Variants in DCT observed in about 807,000 individuals in gnomAD.
The protein encoded by DCT is L-dopachrome tautomerase.
Under a neutral mutation model 53.0 loss-of-function variants are expected in DCT, and 47 were observed. The ratio of observed to expected loss-of-function variants is 0.89; its 90% CI spans 0.70 to 1.13. The LOEUF is 1.13. Among genes scored for constraint, DCT ranks in the 50% most tolerant of loss-of-function variants. The pLI is 0.00. For missense variants in DCT, 669 were observed against 637.4 expected, an observed-to-expected ratio of 1.05 and a Z score of -0.53; for synonymous variants, 244 against 237.0, an observed-to-expected ratio of 1.03 and a Z score of -0.27.
the DCT span, among the ~76,000 whole-genome samples, chr13:94,533,937 C>G: frequency 6.6e-6 from 1 of 152,142 alleles, no homozygotes; most frequent in Non-Finnish European, 1.5e-5. Flanking sequence ...AAACATGTAA[C>G]TGTTCATTCC....
rs1882519241 is a variant in DCT at position 94,443,705 on chromosome 13, G to GGT, written c.1180-69_1180-68insAC. 3 of 1,274,000 alleles carry GGT rather than the reference G, an allele frequency of 2.4e-6. No individual in the cohort carries two copies. In the East Asian group the frequency reaches 7.1e-5, roughly 30 times the overall value. The allele number at this position is 1,274,000 out of a possible 1,614,324, so 78.9% of individuals were successfully genotyped here. ...TTCCGATCACACCAACCTGACTGTTGCTTTCTCTAAAGTGGAATAACTTCT... is the reference window on the plus strand; with the variant it reads ...TTCCGATCACACCAACCTGACTGTTGGTCTTTCTCTAAAGTGGAATAACTTCT... On this transcript the variant is annotated intron_variant, in intron 6 of 7. Coordinates refer to ENST00000377028, the MANE Select transcript of DCT (RefSeq NM_001922.5).
At chr13:94,450,815 C>T (rs1476028369) in intron 6 of DCT, among the ~76,000 whole-genome samples, 3 of 152,162 alleles carry the variant, frequency 2.0e-5, no homozygotes, top group Admixed American at 2.0e-4. Flanking sequence ...ACCTCTCAGG[C>T]CATTCTTGAC....
intron 6 of DCT, among the ~76,000 whole-genome samples, chr13:94,445,336 T>G (rs139042545): frequency 6.6e-6 from 1 of 152,314 alleles, no homozygotes; most frequent in East Asian, 1.9e-4. Flanking sequence ...TGTATTGCAG[T>G]TCCTATCTTG....
At chr13:94,485,210 T>C in the DCT span, among the ~76,000 whole-genome samples, 7 of 152,110 alleles carry the variant, frequency 4.6e-5, no homozygotes, top group Non-Finnish European at 1.0e-4. Flanking sequence ...GTAGCATGGG[T>C]CTTTTTCTGT....
chr13:94,534,853 G>A, the DCT span, among the ~76,000 whole-genome samples: 3 of 152,238 alleles, frequency 2.0e-5, no homozygotes, highest in African/African-American at 7.2e-5. Context: ...CAACATCACA[G>A]CTGAGAGTTG....
the DCT span, among the ~76,000 whole-genome samples, chr13:94,514,254 G>A: frequency 6.6e-6 from 1 of 152,132 alleles, no homozygotes. Context: ...GTCCAAGGAA[G>A]GGGAGGTGGC....
the DCT span, among the ~76,000 whole-genome samples, chr13:94,513,647 C>T: frequency 6.6e-6 from 1 of 152,014 alleles, no homozygotes; most frequent in Non-Finnish European, 1.5e-5. Context: ...GCTGTAAAGA[C>T]TCTACTCAGT....
the DCT span, among the ~76,000 whole-genome samples, chr13:94,500,774 C>T: frequency 6.6e-6 from 1 of 152,132 alleles, no homozygotes; most frequent in Non-Finnish European, 1.5e-5. Flanking sequence ...CTTTTCTTGG[C>T]TATTAGAATA....
At chr13:94,535,881 G>A in the DCT span, among the ~76,000 whole-genome samples, 1 of 152,158 alleles carries the variant, frequency 6.6e-6, no homozygotes. Context: ...TGTAAATGGC[G>A]TAGCCCCTCC....
At chr13:94,549,406 T>C in the DCT span, among the ~76,000 whole-genome samples, 3 of 152,310 alleles carry the variant, frequency 2.0e-5, no homozygotes. Context: ...AGGGTGCCTC[T>C]GGGTCCCAGC....
At chr13:94,446,060 C>A (rs1459271520) in intron 6 of DCT, among the ~76,000 whole-genome samples, 2 of 152,084 alleles carry the variant, frequency 1.3e-5, no homozygotes, top group African/African-American at 4.8e-5. Flanking sequence ...GCTAAGAGAT[C>A]CAGACAGAGA....
the DCT span, among the ~76,000 whole-genome samples, chr13:94,525,050 A>G: frequency 3.8e-4 from 58 of 152,244 alleles, 1 homozygote; most frequent in African/African-American, 1.3e-3. Flanking sequence ...CTGAGAAGAA[A>G]CCAGCCCCTG....
At chr13:94,494,214 T>G in the DCT span, among the ~76,000 whole-genome samples, 2 of 152,228 alleles carry the variant, frequency 1.3e-5, no homozygotes, top group East Asian at 3.9e-4. Context: ...CCTCACAGCT[T>G]TTAACATCTG....
At chr13:94,504,680 T>C in the DCT span, among the ~76,000 whole-genome samples, 1 of 152,150 alleles carries the variant, frequency 6.6e-6, no homozygotes, top group Admixed American at 6.5e-5. Flanking sequence ...GCATTTGTTT[T>C]TGATCTGGGG....
the DCT span, among the ~76,000 whole-genome samples, chr13:94,495,979 C>A: frequency 6.6e-6 from 1 of 152,154 alleles, no homozygotes; most frequent in Non-Finnish European, 1.5e-5. Context: ...CAGAAAGGAA[C>A]AACGCGCCTC....
At chr13:94,450,744 A>G (rs906660844) in intron 6 of DCT, among the ~76,000 whole-genome samples, 4 of 152,220 alleles carry the variant, frequency 2.6e-5, no homozygotes, top group African/African-American at 7.2e-5. Context: ...ATAAGTTGAC[A>G]TTACGGATTG....
rs753499087 is a variant in DCT at position 94,479,291 on chromosome 13, C to T, written c.-36G>A. ...TTGGGAGAGCTCTCTCTCTCTCTTACTTTCCTTGTCTCTGTCGTACTTTTC... is the reference window on the plus strand; with the variant it reads ...TTGGGAGAGCTCTCTCTCTCTCTTATTTTCCTTGTCTCTGTCGTACTTTTC... On this transcript the variant is annotated 5_prime_UTR_variant, in exon 1 of 8. Transcript: ENST00000377028. 2 of 1,486,720 alleles carry T rather than the reference C, an allele frequency of 1.3e-6. No homozygotes were observed. The highest frequency in any genetic ancestry group is 4.5e-5 in the Admixed American group (2 of 44,666). 92.1% of individuals were successfully genotyped at this position (1,486,720 alleles called of 1,614,324 possible).
At chr13:94,464,476 C>T (rs113095432) in intron 4 of DCT, among the ~76,000 whole-genome samples, 2,061 of 152,070 alleles carry the variant, frequency 0.014, 47 homozygotes, top group African/African-American at 0.046. Flanking sequence ...CCTGTCTCTA[C>T]TAAAAATACA....
chr13:94,544,210 T>C, the DCT span, among the ~76,000 whole-genome samples: 2 of 152,196 alleles, frequency 1.3e-5, no homozygotes, highest in East Asian at 3.8e-4. Flanking sequence ...TATTCAACTA[T>C]GCCTCCTATC....
Sources: gnomAD v4.1 joint callset for allele counts (sites outside exome capture counted in the v4.1 genomes callset) on GRCh38, gnomAD v4.1.1 for gene constraint, MANE v1.5 for transcripts, NCBI Gene and HGNC (gene_info 2026-07-23, HGNC 2026-07-21) for gene names.